Variants in TIAM2 observed in about 807,000 individuals in gnomAD.
TIAM2 encodes TIAM Rac1 associated GEF 2, also known as rho guanine nucleotide exchange factor TIAM2.
TIAM2 carries 80 observed loss-of-function variants against 152.9 expected under a neutral mutation model. That is an observed-to-expected ratio of 0.52 (90% CI 0.44 to 0.63). The LOEUF (loss-of-function observed/expected upper bound fraction) is 0.63, where lower values mean the gene tolerates loss of function less well. TIAM2 is among the 30% of genes least tolerant of loss of function. The pLI, the probability that TIAM2 is intolerant of heterozygous loss-of-function variation, is 0.00. For synonymous variants in TIAM2, 804 were observed against 838.0 expected (o/e 0.96, Z 0.70); for missense variants, 1,965 against 2,120.1 (o/e 0.93, Z 1.44).
intron 5 of TIAM2, among the ~76,000 whole-genome samples, chr6:155,142,171 T>C (rs997246858): frequency 2.0e-5 from 3 of 152,214 alleles, no homozygotes; most frequent in Non-Finnish European, 4.4e-5. Context: ...CCGTTTCCAC[T>C]GGCCCCAGTG....
intron 1 of TIAM2, among the ~76,000 whole-genome samples, chr6:155,015,892 G>A (rs535010558): frequency 4.0e-4 from 55 of 135,946 alleles, no homozygotes; most frequent in African/African-American, 1.4e-3. Context: ...AGCCAAGATG[G>A]CACCACTACA....
chr6:155,157,876 C>A (rs573415062), intron 7 of TIAM2, among the ~76,000 whole-genome samples: 1 of 151,950 alleles, frequency 6.6e-6, no homozygotes, highest in East Asian at 1.9e-4. Context: ...TTTTTCAGGT[C>A]GATTTGATGG....
intron 1 of TIAM2, among the ~76,000 whole-genome samples, chr6:155,009,935 C>A (rs1562288794): frequency 1.3e-5 from 2 of 152,102 alleles, no homozygotes; most frequent in East Asian, 1.9e-4. Flanking sequence ...TCACTGCAAC[C>A]TCCACCTCCT....
chr6:155,158,218 C>T (rs963687772), intron 7 of TIAM2, among the ~76,000 whole-genome samples: 1 of 152,046 alleles, frequency 6.6e-6, no homozygotes, highest in Non-Finnish European at 1.5e-5. Context: ...CAGGAATGTA[C>T]TTGTCATCTT....
chr6:155,057,017 CTTTTTT>C (rs71023612), intron 1 of TIAM2, among the ~76,000 whole-genome samples: 11 of 43,868 alleles, frequency 2.5e-4, no homozygotes, highest in Non-Finnish European at 3.5e-4. Flanking sequence ...AGTTTTCTTT[CTTTTTT>C]TTTTTTTTTT....
At chr6:155,128,037 T>C (rs1264563278) in intron 3 of TIAM2, among the ~76,000 whole-genome samples, 1 of 152,126 alleles carries the variant, frequency 6.6e-6, no homozygotes, top group Non-Finnish European at 1.5e-5. Context: ...GATGGTTTCT[T>C]CTTTCCTCCC....
intron 1 of TIAM2, among the ~76,000 whole-genome samples, chr6:155,033,600 GC>G (rs1776863102): frequency 6.6e-6 from 1 of 151,886 alleles, no homozygotes; most frequent in Admixed American, 6.6e-5. Flanking sequence ...AAAAAAGTTT[GC>G]CCCAGAAATA....
At chr6:155,184,364 CAGTTT>C (rs1303089776) in intron 14 of TIAM2, among the ~76,000 whole-genome samples, 1 of 152,176 alleles carries the variant, frequency 6.6e-6, no homozygotes, top group African/African-American at 2.4e-5. Context: ...AACTGTGTGC[CAGTTT>C]AGTTTTCTCA....
chr6:155,052,355 A>G (rs1355193377), intron 1 of TIAM2, among the ~76,000 whole-genome samples: 2 of 152,206 alleles, frequency 1.3e-5, no homozygotes, highest in Non-Finnish European at 2.9e-5. Flanking sequence ...TCATATTAAC[A>G]TACAATTTGA....
intron 1 of TIAM2, among the ~76,000 whole-genome samples, chr6:155,029,533 A>ACT (rs1562295299): frequency 1.8e-4 from 12 of 65,580 alleles, no homozygotes; most frequent in African/African-American, 7.0e-4. Context: ...TAGTATAGAT[A>ACT]ATAATATATA....
At chr6:155,028,695 A>C (rs1391210203) in intron 1 of TIAM2, among the ~76,000 whole-genome samples, 1 of 128,750 alleles carries the variant, frequency 7.8e-6, no homozygotes, top group Non-Finnish European at 1.5e-5. Context: ...CATATAATAT[A>C]TATACTGTGT....
chr6:154,997,990 A>AT (rs557748028), intron 1 of TIAM2, among the ~76,000 whole-genome samples: 6 of 151,980 alleles, frequency 3.9e-5, no homozygotes, highest in Admixed American at 6.6e-5. Flanking sequence ...TTGGGGGCAG[A>AT]TTTTTTTTGT....
chr6:155,250,417 G>T (rs1022600004), intron 21 of TIAM2: 3 of 645,598 alleles, frequency 4.6e-6, no homozygotes, highest in Non-Finnish European at 4.8e-6. Context: ...TTAGAATCTT[G>T]TGCTTCTCAA....
In TIAM2 at chr6:155,257,182, G is replaced by C; in HGVS notation, c.*61G>C. On this transcript the variant is annotated 3_prime_UTR_variant, in exon 27 of 27. Coordinates refer to ENST00000682666, the MANE Select transcript of TIAM2 (RefSeq NM_012454.4). ...TTTACTTTTAAACTGGTGGTAAAGT[G>C]GAAATTGCAAAAAAAAAAAAAAAAA... The C allele has an allele frequency of 9.4e-7, 1 of 1,065,916 alleles. No homozygotes were observed. The highest frequency in any genetic ancestry group is 1.3e-6 in the Non-Finnish European group (1 of 761,722). The allele number at this position is 1,065,916 out of a possible 1,614,324, so 66.0% of individuals were successfully genotyped here. A position where few individuals can be genotyped will look rare whatever the true frequency, so the allele number is the denominator to read the frequency against.
In TIAM2 at chr6:155,257,122, TA is replaced by T. The variant is rs747649400; in HGVS notation, c.*2del. On this transcript the variant is annotated 3_prime_UTR_variant, in exon 27 of 27. Coordinates refer to ENST00000682666, the MANE Select transcript of TIAM2 (RefSeq NM_012454.4). Reference sequence around the variant, plus strand: ...AACAGAGAGCCACGGAAAATCATAGTATGATTCAATCCAGATATGGGTTAAA... The same window carrying T: ...AACAGAGAGCCACGGAAAATCATAGTTGATTCAATCCAGATATGGGTTAAA... 2 of 1,611,944 alleles carry T rather than the reference TA, an allele frequency of 1.2e-6. No individual in the cohort carries two copies. Among genetic ancestry groups the T allele is most frequent in the Non-Finnish European group, 1.7e-6 (2 of 1,179,850 alleles).
chr6:155,195,978 G>A (rs1337802639), intron 14 of TIAM2, among the ~76,000 whole-genome samples: 1 of 152,236 alleles, frequency 6.6e-6, no homozygotes, highest in Admixed American at 6.5e-5. Flanking sequence ...TTATTGGAGG[G>A]AAGGGAGAAG....
At chr6:155,042,195 C>T (rs773309120) in intron 1 of TIAM2, among the ~76,000 whole-genome samples, 1 of 151,974 alleles carries the variant, frequency 6.6e-6, no homozygotes, top group East Asian at 1.9e-4. Context: ...GCTACACCAC[C>T]GCAGACCCGC....
chr6:155,173,809 A>G (rs1000884792), intron 9 of TIAM2, among the ~76,000 whole-genome samples: 2 of 152,220 alleles, frequency 1.3e-5, no homozygotes, highest in Non-Finnish European at 2.9e-5. Context: ...GGGACATAGG[A>G]GAGTAAACTC....
chr6:155,183,669 C>T lies in TIAM2; in HGVS notation c.3064+169C>T, dbSNP rs565464723. On this transcript the variant is annotated intron_variant, in intron 14 of 26. Coordinates refer to ENST00000682666, the MANE Select transcript of TIAM2 (RefSeq NM_012454.4). ...GAGTAGATTTTATCAAAATTTCATG[C>T]GTTTTAGTAATTATAGCGCTTTCAT... Among the ~76,000 whole-genome samples, 15 of 152,076 alleles carry T rather than the reference C, an allele frequency of 9.9e-5. No individual in the cohort carries two copies. The South Asian group carries it at 1.2e-3, about 13-fold the overall frequency.
Sources: gnomAD v4.1 joint callset for allele counts (sites outside exome capture counted in the v4.1 genomes callset) on GRCh38, gnomAD v4.1.1 for gene constraint, MANE v1.5 for transcripts, NCBI Gene and HGNC (gene_info 2026-07-23, HGNC 2026-07-21) for gene names.